The following AMMECR1L variants were observed in gnomAD, a reference collection of about 807,000 sequenced individuals.
AMMECR1L encodes AMMECR1-like protein.
A neutral mutation model predicts 36.8 loss-of-function variants in AMMECR1L; 4 were observed. That is an observed-to-expected ratio of 0.11 (90% CI 0.05 to 0.25). The LOEUF is 0.25. Among genes scored for constraint, AMMECR1L ranks in the 10% least tolerant of loss-of-function variants. The pLI is 1.00. For missense variants in AMMECR1L, 232 were observed against 392.1 expected (o/e 0.59, Z 3.45); for synonymous variants, 147 against 148.0 (o/e 0.99, Z 0.05).
intron 2 of AMMECR1L, among the ~76,000 whole-genome samples, chr2:127,883,317 G>C (rs559820198): frequency 6.6e-6 from 1 of 152,092 alleles, no homozygotes; most frequent in African/African-American, 2.4e-5. Flanking sequence ...AGGATGTCTT[G>C]ATCTCTTGAC....
chr2:127,885,433 C>CGGGGGGGG, intron 1 of AMMECR1L: 1 of 105,622 alleles, frequency 9.5e-6, no homozygotes, highest in African/African-American at 4.3e-5. Context: ...GGCGGCGGGA[C>CGGGGGGGG]GGTGGGTGGG....
intron 2 of AMMECR1L, among the ~76,000 whole-genome samples, chr2:127,878,491 C>A (rs934710829): frequency 8.1e-5 from 12 of 148,508 alleles, no homozygotes; most frequent in Admixed American, 2.7e-4. Flanking sequence ...GAAGGAAAAG[C>A]TAAATGTCGT....
intron 7 of AMMECR1L, among the ~76,000 whole-genome samples, 190 bp downstream of exon 7, chr2:127,866,710 A>T (rs1160337713): frequency 6.6e-6 from 1 of 152,218 alleles, no homozygotes; most frequent in Non-Finnish European, 1.5e-5. Context: ...CAGCTCAGCT[A>T]TGGAGACACA....
At chr2:127,872,716 T>C (rs1210271305) in intron 3 of AMMECR1L, among the ~76,000 whole-genome samples, 2 of 152,148 alleles carry the variant, frequency 1.3e-5, no homozygotes. Flanking sequence ...AGGATGGAAA[T>C]GCAAAGCCTT....
chr2:127,880,638 T>G (rs73955667), intron 2 of AMMECR1L, among the ~76,000 whole-genome samples: 143 of 152,300 alleles, frequency 9.4e-4, no homozygotes, highest in African/African-American at 3.3e-3. Flanking sequence ...CGCTGAGCAC[T>G]GCCCTGCTAT....
chr2:127,872,313 T>C (rs1409476819), intron 3 of AMMECR1L, among the ~76,000 whole-genome samples: 1 of 151,920 alleles, frequency 6.6e-6, no homozygotes, highest in East Asian at 1.9e-4. Context: ...GCTGAGAGAT[T>C]ACAGATTACA....
chr2:127,872,239 T>C (rs979791985), intron 3 of AMMECR1L, among the ~76,000 whole-genome samples: 2 of 150,688 alleles, frequency 1.3e-5, no homozygotes, highest in Admixed American at 1.3e-4. Context: ...GGCCTCACTA[T>C]GTTGCCCAGG....
At position 127,874,799 on chromosome 2, in the gene AMMECR1L, G is replaced by A. The variant is rs1691148686; in HGVS notation, c.-38-527C>T. On this transcript the variant is annotated intron_variant, in intron 2 of 7. Transcript: ENST00000272647. The surrounding 1 kb of genome is among the most constrained non-coding windows in gnomAD (Gnocchi z 5.2). Reference sequence around the variant, plus strand: ...CCCCAAACCACAGCAAGGATGAAAAGCAGTTGGCTGTCACTCTGAAGAGGG... The same window carrying A: ...CCCCAAACCACAGCAAGGATGAAAAACAGTTGGCTGTCACTCTGAAGAGGG... 6.6e-6 allele frequency among the ~76,000 whole-genome samples: 1 copy of A among 152,186 alleles called. No homozygotes were observed. Among genetic ancestry groups the A allele is most frequent in the Non-Finnish European group, 1.5e-5 (1 of 68,034 alleles).
chr2:127,866,777 T>C (rs1690704487), intron 7 of AMMECR1L, 123 bp downstream of exon 7: 4 of 953,054 alleles, frequency 4.2e-6, no homozygotes, highest in Non-Finnish European at 3.2e-6. Context: ...AATGTGAACT[T>C]CACCCACACT....
In AMMECR1L at chr2:127,869,626, T is replaced by A; in HGVS notation, c.634-82A>T. ...GTCCCCACATATAAATCAACATTGT[T>A]CCCTGACCAGCTTAACACAGGCCTG... On this transcript the variant is annotated intron_variant, in intron 5 of 7. Transcript: ENST00000272647. The surrounding 1 kb of genome is among the most constrained non-coding windows in gnomAD (Gnocchi z 4.7). 24 of 1,175,988 alleles carry A rather than the reference T, an allele frequency of 2.0e-5. No homozygotes were observed. The highest frequency in any genetic ancestry group is 2.9e-5 in the Non-Finnish European group (23 of 787,234). The allele number at this position is 1,175,988 out of a possible 1,614,324, so 72.8% of individuals were successfully genotyped here.
chr2:127,883,489 T>G (rs1472289630), intron 2 of AMMECR1L, among the ~76,000 whole-genome samples: 2 of 152,192 alleles, frequency 1.3e-5, no homozygotes, highest in African/African-American at 4.8e-5. Flanking sequence ...CTATGTGACC[T>G]GTAGCAAGGT....
In AMMECR1L at chr2:127,879,963, G is replaced by A. The variant is rs1691419323; in HGVS notation, c.-39+4240C>T. Among the ~76,000 whole-genome samples the A allele has an allele frequency of 2.0e-5, 3 of 152,142 alleles. No individual in the cohort carries two copies. The South Asian group carries it at 6.2e-4, about 32-fold the overall frequency. ...GCCAAACTTTATAAAAACTACCAAGGATGGTACTGTGAGCATAGTACAAAT... is the reference window on the plus strand; with the variant it reads ...GCCAAACTTTATAAAAACTACCAAGAATGGTACTGTGAGCATAGTACAAAT... On this transcript the variant is annotated intron_variant, in intron 2 of 7. Transcript: ENST00000272647.
chr2:127,876,769 G>A (rs1234243334), intron 2 of AMMECR1L, among the ~76,000 whole-genome samples: 1 of 152,146 alleles, frequency 6.6e-6, no homozygotes, highest in African/African-American at 2.4e-5. Context: ...TATGAACCCA[G>A]TACTTTGGGA....
chr2:127,867,560 A>G (rs116094856), intron 6 of AMMECR1L, among the ~76,000 whole-genome samples: 2,026 of 152,194 alleles, frequency 0.013, 46 homozygotes, highest in African/African-American at 0.045. Flanking sequence ...CAGCCTAGGC[A>G]ATATGGTTAA....
Position 127,873,628 on chromosome 2 carries a change from C to G in AMMECR1L, c.407+200G>C. ...TTTAACAACAAGCCTACAGCCTCCT[C>G]CAAATGTGAACTGCTCCCTTCCATT... On this transcript the variant is annotated intron_variant, in intron 3 of 7. Transcript: ENST00000272647. This position sits in a 1 kb window ranked among gnomAD's most constrained non-coding sequence, Gnocchi z 5.2. The G allele has an allele frequency of 2.0e-6, 2 of 985,494 alleles. No individual in the cohort carries two copies. Among genetic ancestry groups the G allele is most frequent in the Non-Finnish European group, 2.4e-6 (2 of 829,948 alleles). 61.0% of individuals were successfully genotyped at this position (985,494 alleles called of 1,614,324 possible).
At chr2:127,872,439 T>G (rs1476679517) in intron 3 of AMMECR1L, among the ~76,000 whole-genome samples, 4 of 152,206 alleles carry the variant, frequency 2.6e-5, no homozygotes, top group Non-Finnish European at 5.9e-5. Flanking sequence ...GTGACAGATT[T>G]TTTAGCAAGA....
intron 2 of AMMECR1L, among the ~76,000 whole-genome samples, chr2:127,878,442 A>G (rs967842078): frequency 6.6e-6 from 1 of 152,128 alleles, no homozygotes; most frequent in South Asian, 2.1e-4. Flanking sequence ...CAAAAGCTAA[A>G]AAAACCTTTC....
In AMMECR1L at chr2:127,873,688, A is replaced by G; in HGVS notation, c.407+140T>C. On this transcript the variant is annotated intron_variant, in intron 3 of 7. Coordinates refer to ENST00000272647, the MANE Select transcript of AMMECR1L (RefSeq NM_001199140.2). The surrounding 1 kb of genome is among the most constrained non-coding windows in gnomAD (Gnocchi z 5.2). ...ACTGAATGTTTTAAATATTCTCTGG[A>G]CATTTCTTATCATTCTCTTCCCATT... is the stretch of plus-strand genomic sequence containing the variant. 5 of 1,554,960 alleles carry G rather than the reference A, an allele frequency of 3.2e-6. No homozygotes were observed. Among genetic ancestry groups the G allele is most frequent in the Non-Finnish European group, 4.3e-6 (5 of 1,162,892 alleles).
rs1690712754 is a variant in AMMECR1L at position 127,866,937 on chromosome 2, T to C, written c.784A>G (p.Ile262Val). The C allele has an allele frequency of 6.2e-7, 1 of 1,614,242 alleles. No homozygotes were observed. Among genetic ancestry groups the C allele is most frequent in the Non-Finnish European group, 8.5e-7 (1 of 1,180,044 alleles). Residue 262 changes from isoleucine to valine, a missense_variant, in exon 7 of 8, where the codon ATT becomes GTT. By Grantham distance (29) the Ile-to-Val change is conservative. Around this residue, in one of 3 missense-constraint regions of AMMECR1L, gnomAD observed 83 missense variants for 229.5 expected, o/e 0.36. Coordinates refer to ENST00000272647, the MANE Select transcript of AMMECR1L (RefSeq NM_001199140.2). ...ATCGTTTTTCTGAATTCACTGGTAA[T>C]TGGAGCTTTAAAGCCACCTTTCCTG... ...LLRKGGFKAPITSEFRKTIKL... is the reference protein window; with the variant it reads ...LLRKGGFKAPVTSEFRKTIKL...
Sources: allele counts gnomAD v4.1 joint callset (sites outside exome capture counted in the v4.1 genomes callset), GRCh38; gene constraint gnomAD v4.1.1; regional missense constraint gnomAD v4.1.1; non-coding constraint Gnocchi (gnomAD v3.1); transcripts MANE v1.5; gene names NCBI Gene and HGNC (gene_info 2026-07-23, HGNC 2026-07-21).